Variants in STIM1 observed in about 807,000 individuals in gnomAD.
STIM1 encodes the protein stromal interaction molecule 1.
Under a neutral mutation model 74.7 loss-of-function variants are expected in STIM1, and 25 were observed. The observed-to-expected ratio is 0.33, with a 90% CI of 0.24 to 0.47. The LOEUF is 0.47. STIM1 is among the 20% of genes least tolerant of loss of function. The pLI is 1.00. For missense variants in STIM1, 728 were observed against 920.8 expected (o/e 0.79, Z 2.71); for synonymous variants, 328 against 348.8 (o/e 0.94, Z 0.66).
intron 3 of STIM1, among the ~76,000 whole-genome samples, chr11:4,032,817 A>T (rs2094062735): frequency 6.6e-6 from 1 of 152,270 alleles, no homozygotes; most frequent in Admixed American, 6.5e-5. Flanking sequence ...AAATACATAT[A>T]ACAAAATTTA....
intron 7 of STIM1, among the ~76,000 whole-genome samples, chr11:4,074,896 T>C (rs758382996): frequency 1.6e-4 from 25 of 152,208 alleles, no homozygotes; most frequent in Non-Finnish European, 2.4e-4. Flanking sequence ...TCTAGCACTT[T>C]GGGAGGCCAA....
intron 2 of STIM1, among the ~76,000 whole-genome samples, chr11:4,018,175 C>T (rs2093917111): frequency 6.6e-6 from 1 of 150,786 alleles, no homozygotes; most frequent in Admixed American, 6.6e-5. Context: ...ATTGGCTGGG[C>T]GCGGTGGCTC....
intron 7 of STIM1, 141 bp downstream of exon 7, chr11:4,074,820 A>C: frequency 1.0e-6 from 1 of 958,236 alleles, no homozygotes; most frequent in South Asian, 1.6e-5. Flanking sequence ...ACTCTTACCA[A>C]CAATAAGAGT....
chr11:4,064,930 C>T (rs1019898256), intron 5 of STIM1, among the ~76,000 whole-genome samples: 1 of 152,132 alleles, frequency 6.6e-6, no homozygotes, highest in African/African-American at 2.4e-5. Context: ...TCTTCTACTT[C>T]CATTAGAGGA....
At chr11:3,917,115 C>T (rs7120938) in intron 1 of STIM1, among the ~76,000 whole-genome samples, 80,761 of 151,908 alleles carry the variant, frequency 0.53, 22,731 homozygotes, top group African/African-American at 0.74. Context: ...CCCTTATGTA[C>T]GCGTAGTGAG....
chr11:3,890,754 G>T (rs1368703083), intron 1 of STIM1, among the ~76,000 whole-genome samples: 1 of 152,080 alleles, frequency 6.6e-6, no homozygotes, highest in Non-Finnish European at 1.5e-5. Flanking sequence ...TTCTAGTATG[G>T]CTTATCTCAT....
intron 1 of STIM1, among the ~76,000 whole-genome samples, chr11:3,920,799 T>C (rs2135520180): frequency 6.6e-6 from 1 of 152,054 alleles, no homozygotes; most frequent in Non-Finnish European, 1.5e-5. Context: ...TTTTATTTTT[T>C]TTAATTTTTT....
At chr11:3,982,993 G>A (rs545416093) in intron 2 of STIM1, among the ~76,000 whole-genome samples, 11 of 152,032 alleles carry the variant, frequency 7.2e-5, no homozygotes, top group Non-Finnish European at 1.2e-4. Flanking sequence ...GTGCAGTGGC[G>A]TGATCTCTGC....
chr11:3,934,291 A>G (rs2092907615), intron 1 of STIM1, among the ~76,000 whole-genome samples: 1 of 152,142 alleles, frequency 6.6e-6, no homozygotes, highest in South Asian at 2.1e-4. Flanking sequence ...CCCAAATAAA[A>G]CAAGGCTGCT....
At chr11:4,082,069 C>T (rs1337056926) in intron 7 of STIM1, 115 bp from the exon 8 acceptor site, 12 of 1,157,194 alleles carry the variant, frequency 1.0e-5, no homozygotes, top group Non-Finnish European at 1.4e-5. Flanking sequence ...CTTACCTTTT[C>T]TCCTTCCTGG....
chr11:3,963,500 G>A (rs2093310208), intron 1 of STIM1, among the ~76,000 whole-genome samples: 1 of 152,092 alleles, frequency 6.6e-6, no homozygotes, highest in African/African-American at 2.4e-5. Flanking sequence ...AAGATGTTAT[G>A]CATATAAAAG....
chr11:4,017,481 G>A (rs2093909547), intron 2 of STIM1, among the ~76,000 whole-genome samples: 3 of 152,074 alleles, frequency 2.0e-5, no homozygotes, highest in Non-Finnish European at 2.9e-5. Flanking sequence ...CACTTACCTC[G>A]GTGATCAGAC....
At chr11:3,905,885 C>G (rs889818035) in intron 1 of STIM1, among the ~76,000 whole-genome samples, 3 of 152,156 alleles carry the variant, frequency 2.0e-5, no homozygotes, top group Non-Finnish European at 4.4e-5. Context: ...CCTAGAGGGA[C>G]AAAGGTAGAG....
intron 3 of STIM1, among the ~76,000 whole-genome samples, chr11:4,044,654 A>C (rs1425630489): frequency 6.6e-6 from 1 of 152,208 alleles, no homozygotes; most frequent in Non-Finnish European, 1.5e-5. Context: ...ATGCAGATAA[A>C]AACAACAACA....
chr11:3,993,433 G>T (rs557039688), intron 2 of STIM1, among the ~76,000 whole-genome samples: 9 of 152,324 alleles, frequency 5.9e-5, no homozygotes, highest in Non-Finnish European at 1.3e-4. Context: ...AAGGTGGGCA[G>T]ATCACTTGAG....
At chr11:4,057,667 G>A (rs1020812512) in intron 4 of STIM1, among the ~76,000 whole-genome samples, 4 of 152,038 alleles carry the variant, frequency 2.6e-5, no homozygotes, top group African/African-American at 9.7e-5. Flanking sequence ...TCAGGTGATC[G>A]AGACTATCCT....
intron 1 of STIM1, among the ~76,000 whole-genome samples, chr11:3,917,692 T>G (rs2092666453): frequency 6.6e-6 from 1 of 152,072 alleles, no homozygotes; most frequent in Non-Finnish European, 1.5e-5. Flanking sequence ...CCTTGGCCTC[T>G]CAAAGTGTTG....
At chr11:3,922,515 C>T (rs1367920058) in intron 1 of STIM1, 1 of 152,126 alleles carries the variant, frequency 6.6e-6, no homozygotes. Context: ...CTCAGTTTAT[C>T]AACCTTTTCC....
intron 1 of STIM1, among the ~76,000 whole-genome samples, chr11:3,931,556 C>T (rs1353102570): frequency 1.3e-5 from 2 of 152,170 alleles, no homozygotes; most frequent in Non-Finnish European, 2.9e-5. Context: ...ATCTGTCAAG[C>T]CGACAGGACA....
Sources: allele counts gnomAD v4.1 joint callset (sites outside exome capture counted in the v4.1 genomes callset), GRCh38; gene constraint gnomAD v4.1.1; transcripts MANE v1.5; gene names NCBI Gene and HGNC (gene_info 2026-07-23, HGNC 2026-07-21).